The following FRMPD1 variants were observed in gnomAD, a reference collection of about 807,000 sequenced individuals.
FRMPD1 encodes FERM and PDZ domain containing 1.
Under a neutral mutation model 117.8 loss-of-function variants are expected in FRMPD1, and 76 were observed. That is an observed-to-expected ratio of 0.65 (90% CI 0.54 to 0.78). The LOEUF is 0.78. Ranked by LOEUF, FRMPD1 falls within the 30% of genes least tolerant of loss-of-function variation. The probability of loss-of-function intolerance (pLI) is 0.00; values close to 1 mark genes in which losing one functional copy is unlikely to be tolerated. For synonymous variants in FRMPD1, 783 were observed against 770.4 expected (o/e 1.02, Z -0.27); for missense variants, 1,786 against 1,964.5 (o/e 0.91, Z 1.72).
chr9:37,649,424 T>C (rs910747317), upstream of FRMPD1, among the ~76,000 whole-genome samples: 3 of 152,000 alleles, frequency 2.0e-5, no homozygotes, highest in Admixed American at 1.3e-4. Context: ...CAAAGACGGG[T>C]GAGGAAAGCA....
In FRMPD1 at chr9:37,707,471, C is replaced by T. The variant is rs776407042; in HGVS notation, c.157C>T (p.Pro53Ser). Residue 53 changes from proline (P) to serine (S), a missense_variant, in exon 3 of 16, where the codon CCT becomes TCT. Transcript: ENST00000377765. The stretch of plus-strand genomic sequence containing the variant: ...CAGGAACCCAACTCAGACCCTCATC[C>T]CTGTGCGACACACAGTAAAGATAGA... ...PARNPTQTLI[P>S]VRHTVKIDKD... 1.2e-6 allele frequency: 2 copies of T among 1,613,922 alleles called. No individual in the cohort carries two copies. Among genetic ancestry groups the T allele is most frequent in the Non-Finnish European group, 1.7e-6 (2 of 1,179,824 alleles).
chr9:37,612,515 ATT>A, the FRMPD1 span, among the ~76,000 whole-genome samples: 2,230 of 91,916 alleles, frequency 0.024, 57 homozygotes, highest in African/African-American at 0.087. Flanking sequence ...TGCCCAGCTA[ATT>A]TTTTTTTTTT....
Position 37,732,408 on chromosome 9 carries a change from C to T in FRMPD1, c.963C>T (p.Ala321=). ...LHIQERIYAC[A]QPQKISLKYI... ...TCCAGGAACGGATCTACGCCTGTGC[C>T]CAGCCACAGAAGATCTCTTTAAAGT... is the stretch of plus-strand genomic sequence containing the variant. Residue 321 remains alanine, a synonymous_variant, in exon 10 of 16, where the codon GCC becomes GCT. Transcript: ENST00000377765. 2 of 1,613,532 alleles carry T rather than the reference C, an allele frequency of 1.2e-6. No homozygotes were observed. The highest frequency in any genetic ancestry group is 2.7e-5 in the African/African-American group (2 of 75,026).
rs1381684416 is a variant in FRMPD1, at chr9:37,687,328, G to A, written c.-4-5310G>A. Among the ~76,000 whole-genome samples the A allele has an allele frequency of 3.3e-5, 5 of 152,166 alleles. No individual in the cohort carries two copies. The South Asian group carries it at 6.2e-4, about 19-fold the overall frequency. Reference sequence around the variant, plus strand: ...CTTAGGCTCTTTGTGAACCATGATCGTGTGGGCCACCCCCAAGTTTTTATT... The same window carrying A: ...CTTAGGCTCTTTGTGAACCATGATCATGTGGGCCACCCCCAAGTTTTTATT... On this transcript the variant is annotated intron_variant, in intron 1 of 15. Coordinates refer to ENST00000377765, the MANE Select transcript of FRMPD1 (RefSeq NM_014907.3).
intron 1 of FRMPD1, among the ~76,000 whole-genome samples, chr9:37,663,931 A>C (rs1386067721): frequency 6.6e-6 from 1 of 152,238 alleles, no homozygotes; most frequent in Non-Finnish European, 1.5e-5. Flanking sequence ...CAGTATAGAC[A>C]CAACCATGCA....
the FRMPD1 span, among the ~76,000 whole-genome samples, chr9:37,645,435 A>G: frequency 1.3e-5 from 2 of 152,246 alleles, no homozygotes; most frequent in Non-Finnish European, 2.9e-5. Flanking sequence ...AAGAAATATA[A>G]GCAGACAAGG....
At chr9:37,743,294 C>G (rs1824508728) in intron 15 of FRMPD1, among the ~76,000 whole-genome samples, 1 of 152,208 alleles carries the variant, frequency 6.6e-6, no homozygotes, top group Non-Finnish European at 1.5e-5. Context: ...TAAAAATGCA[C>G]TAATTCCTTT....
the FRMPD1 span, chr9:37,636,644 C>T: frequency 7.3e-7 from 1 of 1,366,982 alleles, no homozygotes; most frequent in Non-Finnish European, 9.8e-7. Context: ...CCAGGGACAT[C>T]ATTTGGAGAA....
chr9:37,669,434 C>G (rs550662879), intron 1 of FRMPD1, among the ~76,000 whole-genome samples: 1 of 152,304 alleles, frequency 6.6e-6, no homozygotes, highest in African/African-American at 2.4e-5. Flanking sequence ...TGTGTTTTAA[C>G]AAGTCCTCCA....
At chr9:37,718,755 C>T (rs1158612601) in intron 5 of FRMPD1, among the ~76,000 whole-genome samples, 2 of 152,192 alleles carry the variant, frequency 1.3e-5, no homozygotes, top group Non-Finnish European at 2.9e-5. Flanking sequence ...GTTCTCACAA[C>T]TATTGAGCAG....
At position 37,724,211 on chromosome 9, in the gene FRMPD1, CT is replaced by C; in HGVS notation, c.517-12del. 1.4e-6 allele frequency: 2 copies of C among 1,388,262 alleles called. No individual in the cohort carries two copies. The highest frequency in any genetic ancestry group is 2.1e-6 in the Non-Finnish European group (2 of 973,984). 86.0% of individuals were successfully genotyped at this position (1,388,262 alleles called of 1,614,324 possible). The stretch of plus-strand genomic sequence containing the variant: ...AAAAAGACAGGGATACAACAATACT[CT>C]TGTGTTTTCCAGGGTAATTCTCTGC... On this transcript the variant is annotated splice_polypyrimidine_tract_variant and intron_variant, in intron 6 of 15. Transcript: ENST00000377765.
chr9:37,712,383 C>T (rs532550596), intron 5 of FRMPD1, among the ~76,000 whole-genome samples: 5 of 152,258 alleles, frequency 3.3e-5, no homozygotes, highest in African/African-American at 1.2e-4. Context: ...GAGATGGAGT[C>T]TCACTCCCGT....
intron 12 of FRMPD1, among the ~76,000 whole-genome samples, chr9:37,735,242 T>A (rs1215917262): frequency 1.3e-5 from 2 of 152,060 alleles, no homozygotes; most frequent in Non-Finnish European, 2.9e-5. Context: ...TAAAGAAGGA[T>A]CAGGATTTAA....
chr9:37,610,722 G>A, the FRMPD1 span, among the ~76,000 whole-genome samples: 3 of 151,996 alleles, frequency 2.0e-5, no homozygotes, highest in South Asian at 2.1e-4. Flanking sequence ...AGCCTCCTGA[G>A]TAGCTGCGAT....
At chr9:37,654,981 C>G (rs1168228746) in intron 1 of FRMPD1, among the ~76,000 whole-genome samples, 3 of 152,126 alleles carry the variant, frequency 2.0e-5, no homozygotes, top group African/African-American at 7.3e-5. Context: ...CTCTTTCCCT[C>G]CCTCCTTCCC....
Position 37,746,581 on chromosome 9 carries a change from C to G in FRMPD1, c.4549C>G (p.His1517Asp). 1 of 1,613,874 alleles carries G rather than the reference C, an allele frequency of 6.2e-7. No individual in the cohort carries two copies. Among genetic ancestry groups the G allele is most frequent in the African/African-American group, 1.3e-5 (1 of 75,076 alleles). ...FTDCSRCSAR[H>D]REAAGNLRDV... is the part of the protein sequence containing the mutation. The stretch of plus-strand genomic sequence containing the variant: ...AGACTGTAGCCGCTGCTCCGCCCGG[C>G]ACAGGGAGGCAGCGGGGAACCTGAG... The change falls in exon 16 of 16, where the codon CAC (histidine) becomes GAC (aspartate). Residue 1517 changes from histidine to aspartate, a missense_variant. Physicochemically the swap from His to Asp is moderately conservative, Grantham distance 81 (BLOSUM62 -1). Transcript: ENST00000377765.
At chr9:37,619,049 C>T in the FRMPD1 span, among the ~76,000 whole-genome samples, 224 of 152,272 alleles carry the variant, frequency 1.5e-3, no homozygotes, top group Non-Finnish European at 2.0e-3. Flanking sequence ...GTGAATTATA[C>T]TGAATGGAAT....
the FRMPD1 span, among the ~76,000 whole-genome samples, chr9:37,625,808 T>G: frequency 6.6e-6 from 1 of 152,260 alleles, no homozygotes; most frequent in African/African-American, 2.4e-5. Context: ...GCCCTCCTCG[T>G]GTCCACAGTT....
At chr9:37,631,478 G>C in the FRMPD1 span, among the ~76,000 whole-genome samples, 3 of 152,226 alleles carry the variant, frequency 2.0e-5, no homozygotes, top group Non-Finnish European at 2.9e-5. Context: ...AAGCATGGAG[G>C]TTTGTCGAAA....
Sources: allele counts gnomAD v4.1 joint callset (sites outside exome capture counted in the v4.1 genomes callset), GRCh38; gene constraint gnomAD v4.1.1; transcripts MANE v1.5; gene names NCBI Gene and HGNC (gene_info 2026-07-23, HGNC 2026-07-21).